Variants in ANKRD55 observed in about 807,000 individuals in gnomAD.
The protein encoded by ANKRD55 is ankyrin repeat domain-containing protein 55.
Under a neutral mutation model 60.6 loss-of-function variants are expected in ANKRD55, and 41 were observed. The ratio of observed to expected loss-of-function variants is 0.68; its 90% CI spans 0.53 to 0.88. The LOEUF (loss-of-function observed/expected upper bound fraction) is 0.88, where lower values mean the gene tolerates loss of function less well. Ranked by LOEUF, ANKRD55 falls within the 40% of genes least tolerant of loss-of-function variation. ANKRD55 has a pLI of 0.00. For missense variants in ANKRD55, 732 were observed against 767.6 expected, an observed-to-expected ratio of 0.95 and a Z score of 0.55; for synonymous variants, 264 against 290.3, an observed-to-expected ratio of 0.91 and a Z score of 0.92.
chr5:56,232,092 T>C (rs1409565419), intron 2 of ANKRD55, among the ~76,000 whole-genome samples: 1 of 152,210 alleles, frequency 6.6e-6, no homozygotes, highest in Non-Finnish European at 1.5e-5. Context: ...GGAAATTTCA[T>C]GTTTATACTA....
At chr5:56,125,470 G>A (rs1757218589) in intron 8 of ANKRD55, among the ~76,000 whole-genome samples, 1 of 151,818 alleles carries the variant, frequency 6.6e-6, no homozygotes, top group East Asian at 1.9e-4. Flanking sequence ...CAGTAAAGAT[G>A]GGTTTCGCCA....
chr5:56,170,827 C>T, intron 4 of ANKRD55, 24 bp from the exon 5 acceptor site: 1 of 1,595,992 alleles, frequency 6.3e-7, no homozygotes, highest in Non-Finnish European at 8.6e-7. Context: ...GCAACCACAT[C>T]ATTATATAAC....
At chr5:56,134,629 A>C (rs909781629) in intron 7 of ANKRD55, among the ~76,000 whole-genome samples, 2 of 152,106 alleles carry the variant, frequency 1.3e-5, no homozygotes, top group Non-Finnish European at 2.9e-5. Flanking sequence ...ATAACCTTCT[A>C]AAATGGAAAT....
At chr5:56,130,374 C>T (rs1757377065) in intron 7 of ANKRD55, among the ~76,000 whole-genome samples, 1 of 152,132 alleles carries the variant, frequency 6.6e-6, no homozygotes, top group Non-Finnish European at 1.5e-5. Flanking sequence ...AACTCCAGCC[C>T]ACTCTAGCTA....
At chr5:56,153,429 T>A (rs1041464859) in intron 6 of ANKRD55, among the ~76,000 whole-genome samples, 1 of 152,180 alleles carries the variant, frequency 6.6e-6, no homozygotes, top group Non-Finnish European at 1.5e-5. Context: ...GAAACACTCT[T>A]TAGACTGGTG....
chr5:56,135,058 A>G (rs1757522530), intron 7 of ANKRD55, among the ~76,000 whole-genome samples: 1 of 152,186 alleles, frequency 6.6e-6, no homozygotes, highest in Admixed American at 6.5e-5. Flanking sequence ...ACTTATTCAT[A>G]ATAAAAACTC....
At chr5:56,174,169 T>C (rs1323219452) in intron 4 of ANKRD55, among the ~76,000 whole-genome samples, 1 of 152,164 alleles carries the variant, frequency 6.6e-6, no homozygotes, top group African/African-American at 2.4e-5. Flanking sequence ...AATATATTCC[T>C]AGAAAGAGTT....
intron 8 of ANKRD55, among the ~76,000 whole-genome samples, chr5:56,117,414 C>T (rs1756914525): frequency 6.6e-6 from 1 of 152,012 alleles, no homozygotes; most frequent in African/African-American, 2.4e-5. Flanking sequence ...TTTATGAAAA[C>T]ATTTTCTGTA....
intron 7 of ANKRD55, among the ~76,000 whole-genome samples, chr5:56,132,581 A>G (rs1400451218): frequency 1.4e-5 from 2 of 147,584 alleles, no homozygotes; most frequent in African/African-American, 2.5e-5. Context: ...ACAGAATGAG[A>G]CTCTATCTAA....
At chr5:56,190,412 T>C (rs550687463) in intron 2 of ANKRD55, among the ~76,000 whole-genome samples, 1 of 152,324 alleles carries the variant, frequency 6.6e-6, no homozygotes, top group East Asian at 1.9e-4. Context: ...TCCAGTGTCA[T>C]GAAGCTTTTC....
intron 2 of ANKRD55, among the ~76,000 whole-genome samples, chr5:56,215,625 C>G (rs941024002): frequency 2.0e-5 from 3 of 152,138 alleles, no homozygotes; most frequent in East Asian, 1.9e-4. Flanking sequence ...GAAAGTATAT[C>G]TTGGTATGAA....
chr5:56,231,653 G>GCGCACACA lies in ANKRD55; in HGVS notation c.58+1202_58+1203insTGTGTGCG, dbSNP rs1267820315. Among the ~76,000 whole-genome samples, 161 of 148,070 alleles carry GCGCACACA rather than the reference G, an allele frequency of 1.1e-3. 3 individuals are homozygous for GCGCACACA. The highest frequency in any genetic ancestry group is 3.7e-3 in the African/African-American group (150 of 40,192). On this transcript the variant is annotated intron_variant, in intron 2 of 11. Coordinates refer to ENST00000341048, the MANE Select transcript of ANKRD55 (RefSeq NM_024669.3). ...ATGAGCCGGCACGTTCTGAAGGCGC[G>GCGCACACA]CACACACACACACACACACACACAC...
chr5:56,162,753 TG>T (rs1320591201), intron 5 of ANKRD55, among the ~76,000 whole-genome samples: 1 of 151,512 alleles, frequency 6.6e-6, no homozygotes, highest in African/African-American at 2.4e-5. Flanking sequence ...CACTGCAACC[TG>T]GACTTCCTGG....
At chr5:56,192,242 G>A (rs924183904) in intron 2 of ANKRD55, among the ~76,000 whole-genome samples, 1 of 152,138 alleles carries the variant, frequency 6.6e-6, no homozygotes, top group African/African-American at 2.4e-5. Flanking sequence ...CTTCTGTACG[G>A]GTGCATAAAG....
chr5:56,184,797 C>T lies in ANKRD55; in HGVS notation c.59-1163G>A, dbSNP rs1429084676. Among the ~76,000 whole-genome samples the T allele has an allele frequency of 2.0e-5, 3 of 151,930 alleles. No homozygotes were observed. In the East Asian group the frequency reaches 5.8e-4, roughly 30 times the overall value. ...CCTGTAGTCCCAGGTACTCAGGAGG[C>T]CGAGGCAGGAGGATTGCTTGAGCCC... On this transcript the variant is annotated intron_variant, in intron 2 of 11. Coordinates refer to ENST00000341048, the MANE Select transcript of ANKRD55 (RefSeq NM_024669.3).
At chr5:56,121,754 A>G (rs1293626916) in intron 8 of ANKRD55, among the ~76,000 whole-genome samples, 1 of 152,190 alleles carries the variant, frequency 6.6e-6, no homozygotes, top group Admixed American at 6.5e-5. Context: ...TGGTTCTGGC[A>G]CATATAGAGG....
At chr5:56,185,941 C>A (rs540693009) in intron 2 of ANKRD55, among the ~76,000 whole-genome samples, 4 of 152,316 alleles carry the variant, frequency 2.6e-5, no homozygotes, top group African/African-American at 9.6e-5. Flanking sequence ...TGTTCCCTAA[C>A]TTACTCACAG....
intron 2 of ANKRD55, among the ~76,000 whole-genome samples, chr5:56,213,251 A>G (rs867666789): frequency 6.6e-5 from 10 of 152,214 alleles, no homozygotes; most frequent in Admixed American, 6.5e-5. Flanking sequence ...GTAAAAATAA[A>G]TAGATAATTA....
intron 2 of ANKRD55, among the ~76,000 whole-genome samples, chr5:56,208,546 T>A (rs372482700): frequency 6.5e-4 from 99 of 152,154 alleles, no homozygotes; most frequent in African/African-American, 2.2e-3. Flanking sequence ...TGGCTTAGCC[T>A]CCCGAGTAGC....
Sources: gnomAD v4.1 joint callset for allele counts (sites outside exome capture counted in the v4.1 genomes callset) on GRCh38, gnomAD v4.1.1 for gene constraint, MANE v1.5 for transcripts, NCBI Gene and HGNC (gene_info 2026-07-23, HGNC 2026-07-21) for gene names.